Variants in FTCDNL1 observed in about 807,000 individuals in gnomAD.
The protein encoded by FTCDNL1 is formiminotransferase cyclodeaminase N-terminal like, also known as formiminotransferase N-terminal subdomain-containing protein.
In FTCDNL1, 11 loss-of-function variants were observed where a neutral mutation model predicts 5.9. The observed-to-expected ratio is 1.87, with a 90% CI of 1.18 to 3.10. The LOEUF is 3.10. Ranked by LOEUF, FTCDNL1 falls within the 30% of genes most tolerant of loss-of-function variation. The pLI is 0.00. For missense variants in FTCDNL1, 115 were observed against 65.5 expected, an observed-to-expected ratio of 1.76 and a Z score of -2.61; for synonymous variants, 58 against 24.8, an observed-to-expected ratio of 2.34 and a Z score of -3.99.
At chr2:199,771,516 C>G (rs1004782057) in intron 3 of FTCDNL1, among the ~76,000 whole-genome samples, 8 of 152,006 alleles carry the variant, frequency 5.3e-5, no homozygotes, top group African/African-American at 1.9e-4. Context: ...TGTAAAAGAC[C>G]CTTAATCATA....
chr2:199,764,287 AGCAC>A (rs1255119680), intron 3 of FTCDNL1, among the ~76,000 whole-genome samples: 6 of 152,222 alleles, frequency 3.9e-5, no homozygotes, highest in African/African-American at 1.4e-4. Flanking sequence ...TCACAAGGCA[AGCAC>A]TATTATTACC....
the FTCDNL1 span, among the ~76,000 whole-genome samples, chr2:199,681,906 A>AGTGT: frequency 2.7e-5 from 4 of 149,568 alleles, no homozygotes; most frequent in South Asian, 4.3e-4. Flanking sequence ...TGCTCCAAGG[A>AGTGT]GTGTGTGTGT....
chr2:199,836,017 T>G (rs1410127999), intron 3 of FTCDNL1, among the ~76,000 whole-genome samples: 1 of 152,184 alleles, frequency 6.6e-6, no homozygotes, highest in Admixed American at 6.5e-5. Flanking sequence ...TCCTAATTTT[T>G]AGCTGTAAAT....
At chr2:199,794,842 G>A (rs1461861326) in intron 3 of FTCDNL1, among the ~76,000 whole-genome samples, 1 of 152,212 alleles carries the variant, frequency 6.6e-6, no homozygotes, top group Non-Finnish European at 1.5e-5. Context: ...TCAAGCCACT[G>A]CACTCCAGTC....
chr2:199,756,689 G>T (rs948810166), downstream of FTCDNL1, among the ~76,000 whole-genome samples: 1 of 152,104 alleles, frequency 6.6e-6, no homozygotes. Context: ...AGGTTGTATC[G>T]GTCACAACAG....
intron 3 of FTCDNL1, among the ~76,000 whole-genome samples, chr2:199,798,829 G>C (rs757434772): frequency 2.5e-4 from 38 of 152,180 alleles, no homozygotes; most frequent in Non-Finnish European, 4.4e-5. Flanking sequence ...AGCCAAATAA[G>C]TCAATAGCTG....
At chr2:199,673,838 A>G in the FTCDNL1 span, among the ~76,000 whole-genome samples, 1 of 152,220 alleles carries the variant, frequency 6.6e-6, no homozygotes, top group Non-Finnish European at 1.5e-5. Context: ...ATTCCTTAAT[A>G]TAGTCCTTCA....
chr2:199,841,137 C>A (rs1047691722), intron 3 of FTCDNL1, among the ~76,000 whole-genome samples: 7 of 151,048 alleles, frequency 4.6e-5, no homozygotes, highest in African/African-American at 1.5e-4. Context: ...GCCAACCCAG[C>A]GAGATCCTGT....
At chr2:199,836,872 G>C (rs1032868184) in intron 3 of FTCDNL1, among the ~76,000 whole-genome samples, 3 of 152,176 alleles carry the variant, frequency 2.0e-5, no homozygotes, top group Non-Finnish European at 4.4e-5. Flanking sequence ...CCTCAGAATT[G>C]TCCATCTCAG....
At chr2:199,827,277 A>G (rs991845321) in intron 3 of FTCDNL1, among the ~76,000 whole-genome samples, 2 of 152,218 alleles carry the variant, frequency 1.3e-5, no homozygotes, top group Non-Finnish European at 2.9e-5. Context: ...ATTCTATAGG[A>G]TAACTGACCC....
chr2:199,681,227 G>A, the FTCDNL1 span, among the ~76,000 whole-genome samples: 1 of 152,008 alleles, frequency 6.6e-6, no homozygotes, highest in Non-Finnish European at 1.5e-5. Flanking sequence ...GCTGAGGCAG[G>A]TGGATCACCT....
At chr2:199,779,674 A>G (rs536470365) in intron 3 of FTCDNL1, among the ~76,000 whole-genome samples, 2 of 152,208 alleles carry the variant, frequency 1.3e-5, no homozygotes, top group Non-Finnish European at 2.9e-5. Flanking sequence ...GAGCAAGGAC[A>G]TAAGGACAAT....
At chr2:199,699,977 T>A in the FTCDNL1 span, among the ~76,000 whole-genome samples, 1 of 145,348 alleles carries the variant, frequency 6.9e-6, no homozygotes, top group African/African-American at 2.5e-5. Flanking sequence ...GCATTCCTCT[T>A]GAGAACTGGG....
the FTCDNL1 span, among the ~76,000 whole-genome samples, chr2:199,730,750 G>A: frequency 6.6e-6 from 1 of 152,234 alleles, no homozygotes. Context: ...TGGTGGGTGT[G>A]TAAATTAGCT....
chr2:199,693,446 T>G, the FTCDNL1 span, among the ~76,000 whole-genome samples: 1 of 152,332 alleles, frequency 6.6e-6, no homozygotes, highest in Non-Finnish European at 1.5e-5. Context: ...TTTTTCATAC[T>G]CTTTTAGCAT....
At chr2:199,760,856 G>C (rs796890338) in intron 3 of FTCDNL1, 8 of 702,188 alleles carry the variant, frequency 1.1e-5, no homozygotes, top group Non-Finnish European at 2.1e-5. Flanking sequence ...GGGAAGGAGA[G>C]ATTAGTATTT....
In FTCDNL1 at chr2:199,810,486, G is replaced by A. The variant is rs1481830395; in HGVS notation, c.*2219C>T. Among the ~76,000 whole-genome samples, 1 of 152,160 alleles carries A rather than the reference G, an allele frequency of 6.6e-6. No homozygotes were observed. Among genetic ancestry groups the A allele is most frequent in the East Asian group, 1.9e-4 (1 of 5,168 alleles). ...TCGTGCCTTTCTCTTTGTGAAACCT[G>A]TTGGAGGCACCTCTTTCTTCCATCC... is the stretch of plus-strand genomic sequence containing the variant. On this transcript the variant is annotated 3_prime_UTR_variant, in exon 5 of 5. Coordinates refer to ENST00000420128, the MANE Select transcript of FTCDNL1 (RefSeq NM_001363886.2).
rs991692811 is a variant in FTCDNL1 at position 199,850,741 on chromosome 2, T to A, written c.-9A>T. The A allele has an allele frequency of 6.6e-6, 1 of 152,286 alleles. No individual in the cohort carries two copies. The highest frequency in any genetic ancestry group is 6.5e-5 in the Admixed American group (1 of 15,286). 9.4% of individuals were successfully genotyped at this position (152,286 alleles called of 1,614,324 possible). On this transcript the variant is annotated splice_region_variant and 5_prime_UTR_variant, in exon 1 of 5. Coordinates refer to ENST00000420128, the MANE Select transcript of FTCDNL1 (RefSeq NM_001363886.2). ...CAAGTGCAAAGTGCAGCAGTTCACC[T>A]GCCCCCTGCGCACGCACCCCACCGG...
chr2:199,737,489 A>G, the FTCDNL1 span, among the ~76,000 whole-genome samples: 1 of 152,226 alleles, frequency 6.6e-6, no homozygotes, highest in Admixed American at 6.5e-5. Context: ...CCAAATACTC[A>G]TAGGTATACT....
Sources: gnomAD v4.1 joint callset for allele counts (sites outside exome capture counted in the v4.1 genomes callset) on GRCh38, gnomAD v4.1.1 for gene constraint, MANE v1.5 for transcripts, NCBI Gene and HGNC (gene_info 2026-07-23, HGNC 2026-07-21) for gene names.